Variants in TOX3 observed in about 807,000 individuals in gnomAD.
TOX3 encodes the protein CAG trinucleotide repeat-containing gene F9 protein.
In TOX3, 22 loss-of-function variants were observed where a neutral mutation model predicts 64.3. The ratio of observed to expected loss-of-function variants is 0.34; its 90% CI spans 0.24 to 0.49. The LOEUF (loss-of-function observed/expected upper bound fraction) is 0.49, where lower values mean the gene tolerates loss of function less well. Among genes scored for constraint, TOX3 ranks in the 20% least tolerant of loss-of-function variants. The pLI is 0.99. For synonymous variants in TOX3, 291 were observed against 273.6 expected (o/e 1.06, Z -0.63); for missense variants, 661 against 714.4 (o/e 0.93, Z 0.85).
In TOX3 at chr16:52,437,998, C is replaced by T. The variant is rs1008209289; in HGVS notation, c.*1227G>A. On this transcript the variant is annotated 3_prime_UTR_variant, in exon 7 of 7. Transcript: ENST00000219746. Reference sequence around the variant, plus strand: ...CCCCATCTTACATGTATTCAAGGAACCAAAAATGAAATCTGACATATCATT... The same window carrying T: ...CCCCATCTTACATGTATTCAAGGAATCAAAAATGAAATCTGACATATCATT... 1 of 152,490 alleles carries T rather than the reference C, an allele frequency of 6.6e-6. No individual in the cohort carries two copies. The highest frequency in any genetic ancestry group is 2.4e-5 in the African/African-American group (1 of 41,396). 9.4% of individuals were successfully genotyped at this position (152,490 alleles called of 1,614,324 possible). A position where few individuals can be genotyped will look rare whatever the true frequency, so the allele number is the denominator to read the frequency against.
chr16:52,478,929 G>A (rs1272447098), intron 1 of TOX3, among the ~76,000 whole-genome samples: 1 of 152,128 alleles, frequency 6.6e-6, no homozygotes, highest in Non-Finnish European at 1.5e-5. Context: ...ATGATCTGGG[G>A]AAAATGAATG....
intron 1 of TOX3, among the ~76,000 whole-genome samples, chr16:52,515,185 T>TA (rs11415785): frequency 0.04 from 5,488 of 138,580 alleles, 271 homozygotes; most frequent in African/African-American, 0.12. Context: ...CTATGAATGT[T>TA]AAAAAAAAAA....
At chr16:52,495,218 G>T (rs1596826195) in intron 1 of TOX3, among the ~76,000 whole-genome samples, 1 of 152,078 alleles carries the variant, frequency 6.6e-6, no homozygotes, top group Admixed American at 6.6e-5. Flanking sequence ...AAAGGAGTTG[G>T]GAGCCCAGAA....
Position 52,439,873 on chromosome 16 carries a change from T to A in TOX3, c.1083A>T (p.Pro361=), listed in dbSNP as rs768346918. 1 of 1,613,748 alleles carries A rather than the reference T, an allele frequency of 6.2e-7. No homozygotes were observed. Among genetic ancestry groups the A allele is most frequent in the East Asian group, 2.2e-5 (1 of 44,856 alleles). The part of the protein sequence containing the change: ...NLTSSLLLNT[P]LSQHGTVSAS... Reference sequence around the variant, plus strand: ...CTGACACTGTTCCATGTTGAGACAGTGGAGTGTTGAGAAGGAGAGAGGATG... The same window carrying A: ...CTGACACTGTTCCATGTTGAGACAGAGGAGTGTTGAGAAGGAGAGAGGATG... The change falls in exon 7 of 7, where the codon CCA becomes CCT. Residue 361 remains proline, a synonymous_variant. Coordinates refer to ENST00000219746, the MANE Select transcript of TOX3 (RefSeq NM_001080430.4).
intron 6 of TOX3, among the ~76,000 whole-genome samples, chr16:52,440,297 G>A (rs190284974): frequency 6.6e-6 from 1 of 152,222 alleles, no homozygotes; most frequent in African/African-American, 2.4e-5. Flanking sequence ...CCCCCCTCAA[G>A]AGTCAGTTCA....
chr16:52,500,698 A>G (rs1399586185), intron 1 of TOX3, among the ~76,000 whole-genome samples: 1 of 152,230 alleles, frequency 6.6e-6, no homozygotes, highest in African/African-American at 2.4e-5. Flanking sequence ...CATTATGCTA[A>G]CCACTTCCCA....
rs550207255 is a variant in TOX3, at chr16:52,469,831, C to G, written c.88-1257G>C. On this transcript the variant is annotated intron_variant, in intron 1 of 6. Coordinates refer to ENST00000219746, the MANE Select transcript of TOX3 (RefSeq NM_001080430.4). Reference sequence around the variant, plus strand: ...TCAATCTCTGACTCTGAAGGACTTACACCCAGAAGCAGGATTGACATGCTA... The same window carrying G: ...TCAATCTCTGACTCTGAAGGACTTAGACCCAGAAGCAGGATTGACATGCTA... Among the ~76,000 whole-genome samples the G allele has an allele frequency of 2.0e-5, 3 of 152,282 alleles. No homozygotes were observed. In the East Asian group the frequency reaches 5.8e-4, roughly 29 times the overall value.
At chr16:52,471,270 TGGTATTTTC>T (rs1169913140) in intron 1 of TOX3, among the ~76,000 whole-genome samples, 2 of 152,116 alleles carry the variant, frequency 1.3e-5, no homozygotes, top group African/African-American at 4.8e-5. Context: ...AATGAAAGGG[TGGTATTTTC>T]ATTTGATTAC....
chr16:52,450,779 T>G (rs1236255941), intron 3 of TOX3, among the ~76,000 whole-genome samples: 1 of 131,486 alleles, frequency 7.6e-6, no homozygotes, highest in African/African-American at 3.0e-5. Context: ...ATTATAGAAC[T>G]GTCAGTGGAT....
chr16:52,450,922 T>A (rs866381671), intron 3 of TOX3, among the ~76,000 whole-genome samples: 10 of 152,074 alleles, frequency 6.6e-5, no homozygotes, highest in African/African-American at 2.4e-4. Flanking sequence ...TCTTATTGAG[T>A]AAACTGGTGG....
chr16:52,508,762 C>T (rs1962226988), intron 1 of TOX3, among the ~76,000 whole-genome samples: 1 of 152,020 alleles, frequency 6.6e-6, no homozygotes, highest in East Asian at 1.9e-4. Flanking sequence ...TTATTGATAA[C>T]TTTCAACAAA....
At chr16:52,454,044 G>A (rs1488959672) in intron 3 of TOX3, among the ~76,000 whole-genome samples, 5 of 151,994 alleles carry the variant, frequency 3.3e-5, no homozygotes, top group Admixed American at 6.6e-5. Flanking sequence ...GATTCCCCAG[G>A]CCCCCAAGCT....
chr16:52,516,023 C>T (rs1362546), intron 1 of TOX3, among the ~76,000 whole-genome samples: 72,648 of 151,708 alleles, frequency 0.48, 17,558 homozygotes, highest in Middle Eastern at 0.58. Flanking sequence ...AATACACACA[C>T]ATATACTTGT....
intron 1 of TOX3, among the ~76,000 whole-genome samples, chr16:52,540,045 C>G (rs1596871419): frequency 6.6e-6 from 1 of 152,112 alleles, no homozygotes; most frequent in Admixed American, 6.5e-5. Flanking sequence ...TCAGATCAAT[C>G]TTTACAAAAG....
At chr16:52,461,479 A>G (rs1033876704) in intron 3 of TOX3, among the ~76,000 whole-genome samples, 2 of 152,120 alleles carry the variant, frequency 1.3e-5, no homozygotes, top group Non-Finnish European at 2.9e-5. Flanking sequence ...ACGAAGATAA[A>G]CATGTTGTGC....
At chr16:52,544,789 A>T (rs777875076) in intron 1 of TOX3, among the ~76,000 whole-genome samples, 1 of 152,124 alleles carries the variant, frequency 6.6e-6, no homozygotes, top group Non-Finnish European at 1.5e-5. Context: ...AACACCCCCA[A>T]TTTCCTCTGG....
chr16:52,483,030 A>T (rs1961409739), intron 1 of TOX3, among the ~76,000 whole-genome samples: 1 of 152,166 alleles, frequency 6.6e-6, no homozygotes, highest in African/African-American at 2.4e-5. Flanking sequence ...GGCCCCTGGG[A>T]TAAGTAACAG....
intron 1 of TOX3, among the ~76,000 whole-genome samples, 190 bp from the exon 2 acceptor site, chr16:52,468,764 T>C (rs956028504): frequency 6.6e-5 from 10 of 152,178 alleles, no homozygotes; most frequent in African/African-American, 2.4e-4. Context: ...TTAAGCTAAC[T>C]CAATAATTCT....
intron 6 of TOX3, 55 bp downstream of exon 6, chr16:52,444,221 G>T: frequency 7.4e-7 from 1 of 1,354,526 alleles, no homozygotes; most frequent in Middle Eastern, 1.9e-4. Flanking sequence ...ATGCTTGAGG[G>T]CTGTTTTCCA....
Sources: allele counts gnomAD v4.1 joint callset (sites outside exome capture counted in the v4.1 genomes callset), GRCh38; gene constraint gnomAD v4.1.1; transcripts MANE v1.5; gene names NCBI Gene and HGNC (gene_info 2026-07-23, HGNC 2026-07-21).